WDFY4: variants seen among roughly 807,000 people sequenced by gnomAD.
The protein encoded by WDFY4 is WDFY family member 4, also known as WD repeat- and FYVE domain-containing protein 4.
In WDFY4, 169 loss-of-function variants were observed where a neutral mutation model predicts 351.9. That is an observed-to-expected ratio of 0.48 (90% CI 0.42 to 0.55). WDFY4 has a LOEUF of 0.55. WDFY4 is among the 20% of genes least tolerant of loss of function. WDFY4 has a pLI of 0.00. For missense variants in WDFY4, 3,803 were observed against 3,935.6 expected, an observed-to-expected ratio of 0.97 and a Z score of 0.90; for synonymous variants, 1,622 against 1,574.6, an observed-to-expected ratio of 1.03 and a Z score of -0.71.
chr10:48,776,695 C>T (rs1351481488), intron 15 of WDFY4, 55 bp from the exon 16 acceptor site: 11 of 1,299,674 alleles, frequency 8.5e-6, no homozygotes, highest in Middle Eastern at 2.6e-4. Context: ...TTGTCAGAAG[C>T]GAGACAGAAA....
At chr10:48,814,416 C>G (rs554041745) in intron 31 of WDFY4, among the ~76,000 whole-genome samples, 1 of 152,212 alleles carries the variant, frequency 6.6e-6, no homozygotes. Flanking sequence ...TCCATCTCCT[C>G]GCTCATGAGT....
chr10:48,786,260 A>G (rs2066401913), intron 19 of WDFY4, among the ~76,000 whole-genome samples: 1 of 152,222 alleles, frequency 6.6e-6, no homozygotes, highest in Non-Finnish European at 1.5e-5. Flanking sequence ...CTACATGGAC[A>G]TGATAGAAAC....
intron 1 of WDFY4, among the ~76,000 whole-genome samples, chr10:48,698,252 A>G (rs974199580): frequency 6.6e-6 from 1 of 152,074 alleles, no homozygotes; most frequent in Non-Finnish European, 1.5e-5. Context: ...CCTGCCCACG[A>G]TGTCTGTCTT....
intron 43 of WDFY4, among the ~76,000 whole-genome samples, chr10:48,888,345 C>G (rs988550023): frequency 2.2e-5 from 3 of 135,076 alleles, no homozygotes; most frequent in Non-Finnish European, 1.5e-5. Context: ...CTTTTCTTTT[C>G]TTTTTCTTCT....
chr10:48,716,680 G>C (rs2063921179), intron 2 of WDFY4, among the ~76,000 whole-genome samples: 2 of 152,200 alleles, frequency 1.3e-5, no homozygotes, highest in Non-Finnish European at 2.9e-5. Context: ...TACAATTACT[G>C]TTCAGCTCAC....
chr10:48,709,971 G>A lies in WDFY4; in HGVS notation c.234+5G>A. On this transcript the variant is annotated splice_donor_5th_base_variant and intron_variant, in intron 2 of 61. Transcript: ENST00000325239. ...CTTCTCCCCCTATTCCTAAAGGTTAGTGTTCTTATTTTTGAAACTGTAAGG... is the reference window on the plus strand; with the variant it reads ...CTTCTCCCCCTATTCCTAAAGGTTAATGTTCTTATTTTTGAAACTGTAAGG... 6.5e-7 allele frequency: 1 copy of A among 1,544,526 alleles called. No individual in the cohort carries two copies. The highest frequency in any genetic ancestry group is 8.8e-7 in the Non-Finnish European group (1 of 1,142,412).
intron 27 of WDFY4, among the ~76,000 whole-genome samples, chr10:48,807,607 T>A (rs928032644): frequency 2.0e-5 from 3 of 152,214 alleles, no homozygotes; most frequent in Admixed American, 1.3e-4. Context: ...TCCTTTATTA[T>A]TTTTAGGATT....
intron 55 of WDFY4, chr10:48,968,327 C>T (rs1411503554): frequency 1.3e-5 from 2 of 152,320 alleles, no homozygotes; most frequent in Non-Finnish European, 2.9e-5. Flanking sequence ...TTACTCTCTC[C>T]CTTTGATCTG....
At chr10:48,845,949 A>G (rs1316144674) in intron 39 of WDFY4, among the ~76,000 whole-genome samples, 1 of 152,184 alleles carries the variant, frequency 6.6e-6, no homozygotes, top group African/African-American at 2.4e-5. Context: ...TTCTGCCAAG[A>G]GCCAGGTCCA....
Position 48,969,266 on chromosome 10 carries a change from A to G in WDFY4, c.8769+18A>G, listed in dbSNP as rs772417803. The G allele has an allele frequency of 5.2e-6, 8 of 1,549,926 alleles. No individual in the cohort carries two copies. Among genetic ancestry groups the G allele is most frequent in the Non-Finnish European group, 7.0e-6 (8 of 1,146,572 alleles). On this transcript the variant is annotated intron_variant, in intron 56 of 61. Coordinates refer to ENST00000325239, the MANE Select transcript of WDFY4 (RefSeq NM_001394531.1). ...CCGACAAGGTGAGGGGGCTGCAGGG[A>G]GCAGGGGCAGCCTCAGGACCTCAGC... is the stretch of plus-strand genomic sequence containing the variant.
At chr10:48,853,754 C>T (rs531148673) in intron 39 of WDFY4, among the ~76,000 whole-genome samples, 40 of 152,352 alleles carry the variant, frequency 2.6e-4, no homozygotes, top group South Asian at 1.2e-3. Context: ...TCATACCAGT[C>T]CCCTCTTCTG....
At chr10:48,955,388 A>G (rs1377756761) in intron 51 of WDFY4, among the ~76,000 whole-genome samples, 3 of 152,220 alleles carry the variant, frequency 2.0e-5, no homozygotes, top group Admixed American at 6.5e-5. Context: ...TAAATGGACC[A>G]GCCAGACCAT....
intron 12 of WDFY4, chr10:48,745,685 T>C (rs1439490092): frequency 3.5e-6 from 2 of 575,056 alleles, no homozygotes; most frequent in African/African-American, 3.8e-5. Flanking sequence ...AGGGTGGCTG[T>C]CACTGCCTGG....
At chr10:48,705,175 A>G (rs528764776) in intron 1 of WDFY4, among the ~76,000 whole-genome samples, 1 of 152,324 alleles carries the variant, frequency 6.6e-6, no homozygotes, top group Admixed American at 6.5e-5. Flanking sequence ...AAATGCCCTG[A>G]GCTCAAGTTC....
chr10:48,953,324 C>CTT lies in WDFY4; in HGVS notation c.7978-3804_7978-3803insTT, dbSNP rs1237992710. Among the ~76,000 whole-genome samples, 4 of 127,402 alleles carry CTT rather than the reference C, an allele frequency of 3.1e-5. No homozygotes were observed. The East Asian group carries it at 1.1e-3, about 34-fold the overall frequency. 83.6% of individuals were successfully genotyped at this position (127,402 alleles called of 152,430 possible). A position where few individuals can be genotyped will look rare whatever the true frequency, so the allele number is the denominator to read the frequency against. On this transcript the variant is annotated intron_variant, in intron 51 of 61. Transcript: ENST00000325239. ...TATGTCTCTCTCTCTCTCTCTCTCT[C>CTT]TCTCTCTCTCACACACACACACACA...
chr10:48,830,762 C>A lies in WDFY4; in HGVS notation c.6403C>A (p.Gln2135Lys), dbSNP rs1227308382. 2 of 1,551,692 alleles carry A rather than the reference C, an allele frequency of 1.3e-6. No homozygotes were observed. The highest frequency in any genetic ancestry group is 2.4e-5 in the South Asian group (2 of 84,058). The change falls in exon 38 of 62, where the codon CAG (glutamine) becomes AAG (lysine). Residue 2135 changes from glutamine to lysine, a missense_variant. Physicochemically the swap from Gln to Lys is moderately conservative, Grantham distance 53 (BLOSUM62 1). This residue lies in a region of WDFY4 where 3,054 missense variants were observed against 3,148.6 expected (regional missense o/e 0.97). Transcript: ENST00000325239. ...LWQQLVAQRQ[Q>K]TLEDAFKIDL... is the part of the protein sequence containing the mutation. ...GCAGCAGCTGGTGGCACAAAGGCAG[C>A]AGACCCTGGAGGATGCCTTCAAGAT...
At chr10:48,723,631 A>G (rs1223514698) in intron 5 of WDFY4, 64 bp downstream of exon 5, 10 of 1,539,052 alleles carry the variant, frequency 6.5e-6, no homozygotes, top group African/African-American at 1.4e-5. Context: ...AGACTCTCCA[A>G]TGCTTCCCGT....
At chr10:48,809,269 C>T (rs1291024385) in intron 28 of WDFY4, among the ~76,000 whole-genome samples, 1 of 151,538 alleles carries the variant, frequency 6.6e-6, no homozygotes, top group Non-Finnish European at 1.5e-5. Flanking sequence ...TCATCACCAT[C>T]ATCACCACAA....
chr10:48,790,744 T>G lies in WDFY4; in HGVS notation c.4084T>G (p.Ser1362Ala). The G allele has an allele frequency of 1.3e-6, 2 of 1,551,766 alleles. No homozygotes were observed. The highest frequency in any genetic ancestry group is 1.7e-6 in the Non-Finnish European group (2 of 1,146,984). ...CCACACAGGGGTGAGGGTATTCCAC[T>G]CCAGCCCTGCTGCCAGCAGCCTGGA... is the stretch of plus-strand genomic sequence containing the variant. ...VGQLGVRVFH[S>A]SPAASSLDFI... Residue 1362 changes from serine to alanine, a missense_variant, in exon 23 of 62, where the codon TCC (serine) becomes GCC (alanine). By Grantham distance (99) the Ser-to-Ala change is moderately conservative. Coordinates refer to ENST00000325239, the MANE Select transcript of WDFY4 (RefSeq NM_001394531.1).
Sources: allele counts gnomAD v4.1 joint callset (sites outside exome capture counted in the v4.1 genomes callset), GRCh38; gene constraint gnomAD v4.1.1; regional missense constraint gnomAD v4.1.1; transcripts MANE v1.5; gene names NCBI Gene and HGNC (gene_info 2026-07-23, HGNC 2026-07-21).